The following WDR36 variants were observed in gnomAD, a reference collection of about 807,000 sequenced individuals.
The protein encoded by WDR36 is WD repeat domain 36.
Under a neutral mutation model 112.7 loss-of-function variants are expected in WDR36, and 63 were observed. The ratio of observed to expected loss-of-function variants is 0.56; its 90% CI spans 0.46 to 0.69. The LOEUF is 0.69. WDR36 is among the 30% of genes least tolerant of loss of function. The pLI, the probability that WDR36 is intolerant of heterozygous loss-of-function variation, is 0.00. For missense variants in WDR36, 1,226 were observed against 1,070.3 expected, an observed-to-expected ratio of 1.15 and a Z score of -2.03; for synonymous variants, 410 against 362.2, an observed-to-expected ratio of 1.13 and a Z score of -1.50.
intron 4 of WDR36, among the ~76,000 whole-genome samples, chr5:111,099,453 T>TG (rs1753069725): frequency 1.3e-5 from 1 of 78,798 alleles, no homozygotes; most frequent in African/African-American, 5.9e-5. Context: ...TTTTTTTTGT[T>TG]TTTTTTTTTG....
At chr5:111,116,087 C>T (rs1175185783) in intron 16 of WDR36, among the ~76,000 whole-genome samples, 3 of 151,824 alleles carry the variant, frequency 2.0e-5, no homozygotes, top group South Asian at 2.1e-4. Flanking sequence ...GGACCACAGG[C>T]GTGTGCCACC....
chr5:111,106,096 A>C lies in WDR36; in HGVS notation c.1133A>C (p.Gln378Pro). 1 of 1,610,094 alleles carries C rather than the reference A, an allele frequency of 6.2e-7. No homozygotes were observed. Among genetic ancestry groups the C allele is most frequent in the Non-Finnish European group, 8.5e-7 (1 of 1,177,136 alleles). Residue 378 changes from glutamine (Q) to proline (P), a missense_variant, in exon 11 of 23, where the codon CAG becomes CCG. Physicochemically the swap from Gln to Pro is moderately conservative, Grantham distance 76. Transcript: ENST00000513710. ...NKKRVKRKGL[Q>P]NTMSVRLPPI... ...AAGAGAGTTAAACGTAAAGGACTTC[A>C]GAATACCATGTCAGTGAGACTTCCA...
intron 21 of WDR36, among the ~76,000 whole-genome samples, 164 bp downstream of exon 21, chr5:111,124,353 A>ACTTTCT: frequency 6.6e-6 from 1 of 152,140 alleles, no homozygotes; most frequent in East Asian, 1.9e-4. Flanking sequence ...TTTATATTAA[A>ACTTTCT]TAAGCCCACT....
chr5:111,109,308 A>G lies in WDR36; in HGVS notation c.1327-881A>G, dbSNP rs148085552. Among the ~76,000 whole-genome samples, 12 of 151,582 alleles carry G rather than the reference A, an allele frequency of 7.9e-5. No homozygotes were observed. In the East Asian group the frequency reaches 2.3e-3, roughly 29 times the overall value. On this transcript the variant is annotated intron_variant, in intron 12 of 22. Coordinates refer to ENST00000513710, the MANE Select transcript of WDR36 (RefSeq NM_139281.3). Reference sequence around the variant, plus strand: ...GGAAGATAAAATGCTTTTTAACCATAGTAATTTCCCATCTAAAATACTTTT... The same window carrying G: ...GGAAGATAAAATGCTTTTTAACCATGGTAATTTCCCATCTAAAATACTTTT...
chr5:111,125,286 ACT>A (rs1244485087), intron 21 of WDR36, among the ~76,000 whole-genome samples: 1 of 152,150 alleles, frequency 6.6e-6, no homozygotes, highest in East Asian at 1.9e-4. Context: ...ATTAGGATTT[ACT>A]CTGAGAGAAG....
At chr5:111,102,276 A>T in intron 5 of WDR36, 69 bp from the exon 6 acceptor site, 1 of 1,174,786 alleles carries the variant, frequency 8.5e-7, no homozygotes, top group Non-Finnish European at 1.2e-6. Flanking sequence ...TCACTTTTTA[A>T]TGTGTAGCTG....
chr5:111,105,924 C>A, intron 10 of WDR36, 133 bp from the exon 11 acceptor site: 1 of 692,226 alleles, frequency 1.4e-6, no homozygotes, highest in Non-Finnish European at 2.6e-6. Context: ...GTAATAACAT[C>A]TTTGTTTTGT....
chr5:111,107,079 CGTTAT>C (rs1753235477), intron 11 of WDR36, among the ~76,000 whole-genome samples: 3 of 151,268 alleles, frequency 2.0e-5, no homozygotes, highest in African/African-American at 7.3e-5. Flanking sequence ...CATATCACAA[CGTTAT>C]GTTCTATGCC....
At chr5:111,093,717 C>T (rs1390367609) in intron 1 of WDR36, among the ~76,000 whole-genome samples, 5 of 152,246 alleles carry the variant, frequency 3.3e-5, no homozygotes, top group South Asian at 2.1e-4. Flanking sequence ...GAAATCTTGT[C>T]TTTGGTACAG....
chr5:111,117,666 C>T (rs1237381094), intron 16 of WDR36, among the ~76,000 whole-genome samples: 1 of 152,078 alleles, frequency 6.6e-6, no homozygotes, highest in African/African-American at 2.4e-5. Context: ...TGTGAAGATT[C>T]GATTAGTTAG....
chr5:111,115,205 A>G (rs1378055455), intron 16 of WDR36, among the ~76,000 whole-genome samples: 1 of 152,236 alleles, frequency 6.6e-6, no homozygotes, highest in African/African-American at 2.4e-5. Context: ...TTGATTGAAG[A>G]AAAGTATATT....
At chr5:111,093,447 A>G (rs939148509) in intron 1 of WDR36, among the ~76,000 whole-genome samples, 8 of 152,194 alleles carry the variant, frequency 5.3e-5, no homozygotes, top group African/African-American at 1.9e-4. Context: ...GCTTATTAGC[A>G]AAAAGAGCTG....
Position 111,128,992 on chromosome 5 carries a change from A to G in WDR36, c.*2109A>G, listed in dbSNP as rs201563752. The G allele has an allele frequency of 5.2e-6, 1 of 193,926 alleles. No homozygotes were observed. Among genetic ancestry groups the G allele is most frequent in the East Asian group, 8.1e-5 (1 of 12,346 alleles). The allele number at this position is 193,926 out of a possible 1,614,324, so 12.0% of individuals were successfully genotyped here. A position where few individuals can be genotyped will look rare whatever the true frequency, so the allele number is the denominator to read the frequency against. ...ATGTAGGAATGTGTATATATTATCT[A>G]CAGCCACAGGAAATGTATAGTTACG... On this transcript the variant is annotated 3_prime_UTR_variant, in exon 23 of 23. Transcript: ENST00000513710.
At chr5:111,096,373 A>G (rs1183524054) in intron 2 of WDR36, among the ~76,000 whole-genome samples, 2 of 152,212 alleles carry the variant, frequency 1.3e-5, no homozygotes, top group African/African-American at 4.8e-5. Flanking sequence ...TACTTTTAAA[A>G]TTTTTCTGGA....
At chr5:111,095,154 G>A in intron 2 of WDR36, 1 of 547,990 alleles carries the variant, frequency 1.8e-6, no homozygotes, top group Non-Finnish European at 3.2e-6. Context: ...ATCTGGAACT[G>A]TTCTTTAGAC....
At chr5:111,104,037 A>G in intron 7 of WDR36, 119 bp downstream of exon 7, 3 of 1,427,658 alleles carry the variant, frequency 2.1e-6, no homozygotes, top group South Asian at 2.5e-5. Context: ...ATACTGGAGT[A>G]AAAGGCAAAG....
chr5:111,097,755 G>C (rs1018902887), intron 3 of WDR36, among the ~76,000 whole-genome samples: 1 of 152,136 alleles, frequency 6.6e-6, no homozygotes, highest in Admixed American at 6.6e-5. Flanking sequence ...TGGCCTTAAT[G>C]GTCTAGAATG....
At chr5:111,094,814 A>C (rs530608085) in intron 1 of WDR36, 106 bp from the exon 2 acceptor site, 1 of 903,104 alleles carries the variant, frequency 1.1e-6, no homozygotes, top group African/African-American at 1.7e-5. Flanking sequence ...CTTATGAAGG[A>C]CAGCATAGCA....
chr5:111,096,223 G>T (rs1752976013), intron 2 of WDR36, among the ~76,000 whole-genome samples: 1 of 152,294 alleles, frequency 6.6e-6, no homozygotes. Context: ...AAATGCTAAA[G>T]ATTGATAGGC....
Sources: allele counts gnomAD v4.1 joint callset (sites outside exome capture counted in the v4.1 genomes callset), GRCh38; gene constraint gnomAD v4.1.1; transcripts MANE v1.5; gene names NCBI Gene and HGNC (gene_info 2026-07-23, HGNC 2026-07-21).